Variants in EYS observed in about 807,000 individuals in gnomAD.
EYS encodes the protein EGF-like photoreceptor maintenance factor, also known as protein eyes shut homolog.
In EYS, 250 loss-of-function variants were observed where a neutral mutation model predicts 282.1. That is an observed-to-expected ratio of 0.89 (90% confidence interval 0.80 to 0.98). EYS has a LOEUF of 0.98. Among genes scored for constraint, EYS ranks in the 50% least tolerant of loss-of-function variants. The probability of loss-of-function intolerance (pLI) is 0.00; values close to 1 mark genes in which losing one functional copy is unlikely to be tolerated. For missense variants in EYS, 4,016 were observed against 3,709.0 expected, an observed-to-expected ratio of 1.08 and a Z score of -2.15; for synonymous variants, 1,355 against 1,282.9, an observed-to-expected ratio of 1.06 and a Z score of -1.20.
At chr6:64,297,730 C>G (rs2150370481) in intron 30 of EYS, among the ~76,000 whole-genome samples, 1 of 152,258 alleles carries the variant, frequency 6.6e-6, no homozygotes, top group Non-Finnish European at 1.5e-5. Context: ...GTAATTCCAG[C>G]ACTCTGAGAG....
At chr6:65,015,442 G>T (rs943149638) in intron 13 of EYS, among the ~76,000 whole-genome samples, 1 of 152,064 alleles carries the variant, frequency 6.6e-6, no homozygotes, top group Non-Finnish European at 1.5e-5. Context: ...ACATAAACCT[G>T]GTGTGCATTG....
At chr6:65,689,276 A>G (rs1052975934) in intron 1 of EYS, among the ~76,000 whole-genome samples, 3 of 150,044 alleles carry the variant, frequency 2.0e-5, no homozygotes, top group Non-Finnish European at 4.4e-5. Flanking sequence ...TCGCAAGGAC[A>G]AAAAACCAAA....
intron 34 of EYS, among the ~76,000 whole-genome samples, chr6:63,998,609 ACATTCT>A (rs1411722796): frequency 1.3e-5 from 2 of 152,176 alleles, no homozygotes; most frequent in Non-Finnish European, 2.9e-5. Flanking sequence ...GGAGGGATAG[ACATTCT>A]CTTTTCTTTT....
chr6:65,446,284 G>A (rs945998587), intron 5 of EYS, among the ~76,000 whole-genome samples: 2 of 151,578 alleles, frequency 1.3e-5, no homozygotes, highest in African/African-American at 4.8e-5. Flanking sequence ...AATTTTTTTG[G>A]CAAAATCACC....
At chr6:64,539,216 A>G (rs1295405093) in intron 26 of EYS, among the ~76,000 whole-genome samples, 2 of 152,178 alleles carry the variant, frequency 1.3e-5, no homozygotes, top group African/African-American at 4.8e-5. Flanking sequence ...AGAACTTCAC[A>G]CTTAAAAATT....
intron 22 of EYS, among the ~76,000 whole-genome samples, chr6:64,742,646 T>A (rs555865328): frequency 6.6e-6 from 1 of 152,292 alleles, no homozygotes; most frequent in Admixed American, 6.5e-5. Context: ...GTTATGTCCC[T>A]GATGGTAGTG....
At chr6:64,575,031 A>T (rs1765836422) in intron 26 of EYS, among the ~76,000 whole-genome samples, 1 of 152,140 alleles carries the variant, frequency 6.6e-6, no homozygotes, top group Non-Finnish European at 1.5e-5. Context: ...TAGAGAAGAT[A>T]AAAATGCATC....
chr6:65,512,492 C>CAAA (rs71002313), intron 2 of EYS, among the ~76,000 whole-genome samples: 1 of 117,818 alleles, frequency 8.5e-6, no homozygotes, highest in Non-Finnish European at 1.8e-5. Flanking sequence ...GACTCTATCT[C>CAAA]AAAAAAAAAA....
At chr6:64,525,492 A>G (rs566671146) in intron 26 of EYS, among the ~76,000 whole-genome samples, 1 of 151,540 alleles carries the variant, frequency 6.6e-6, no homozygotes, top group Admixed American at 6.6e-5. Flanking sequence ...TAGACACAAA[A>G]GGGGGGCAAT....
intron 30 of EYS, among the ~76,000 whole-genome samples, chr6:64,240,300 T>C (rs1261876556): frequency 6.6e-6 from 1 of 152,226 alleles, no homozygotes; most frequent in Non-Finnish European, 1.5e-5. Flanking sequence ...AGGAAGTCAA[T>C]GATAGCTTGA....
intron 36 of EYS, among the ~76,000 whole-genome samples, chr6:63,841,014 C>T (rs545299482): frequency 1.6e-4 from 24 of 152,156 alleles, no homozygotes; most frequent in African/African-American, 5.1e-4. Flanking sequence ...CTTTGTAGTT[C>T]AACTTAAACA....
At chr6:63,853,440 CA>C (rs1256401287) in intron 36 of EYS, among the ~76,000 whole-genome samples, 1 of 152,060 alleles carries the variant, frequency 6.6e-6, no homozygotes, top group African/African-American at 2.4e-5. Flanking sequence ...TGAGAAAGAC[CA>C]CTTCAAGGAG....
intron 29 of EYS, among the ~76,000 whole-genome samples, chr6:64,369,773 T>C (rs1772297478): frequency 6.6e-6 from 1 of 151,998 alleles, no homozygotes; most frequent in Non-Finnish European, 1.5e-5. Flanking sequence ...TCCTAGGTAT[T>C]TTATTCTTTT....
intron 2 of EYS, among the ~76,000 whole-genome samples, chr6:65,620,135 G>A (rs1322173137): frequency 6.6e-6 from 1 of 152,132 alleles, no homozygotes; most frequent in Admixed American, 6.5e-5. Flanking sequence ...AATGGTACCA[G>A]CTCCTCCTTG....
At chr6:64,440,236 T>G (rs1464953743) in intron 26 of EYS, among the ~76,000 whole-genome samples, 2 of 152,030 alleles carry the variant, frequency 1.3e-5, no homozygotes, top group African/African-American at 4.8e-5. Context: ...TAATATTCAT[T>G]TTCGAATCTG....
intron 10 of EYS, among the ~76,000 whole-genome samples, chr6:65,339,933 T>A (rs1038646538): frequency 2.0e-5 from 3 of 150,946 alleles, no homozygotes; most frequent in Non-Finnish European, 1.5e-5. Flanking sequence ...TTAAAGTACA[T>A]CCTATAAGAA....
At position 64,476,264 on chromosome 6, in the gene EYS, T is replaced by C. The variant is rs147002065; in HGVS notation, c.5645-36912A>G. On this transcript the variant is annotated intron_variant, in intron 26 of 42. Coordinates refer to ENST00000503581, the MANE Select transcript of EYS (RefSeq NM_001142800.2). ...GTAGTTAACTATTCGCATGTCTGTC[T>C]TTATATTGCATGCTTCTATAGCATG... Among the ~76,000 whole-genome samples, 80 of 152,302 alleles carry C rather than the reference T, an allele frequency of 5.3e-4. 1 individual carries two copies. Among genetic ancestry groups the C allele is most frequent in the African/African-American group, 1.8e-3 (73 of 41,572 alleles).
intron 33 of EYS, among the ~76,000 whole-genome samples, chr6:64,014,891 G>T (rs1252509159): frequency 8.6e-5 from 13 of 151,766 alleles, no homozygotes; most frequent in African/African-American, 2.9e-4. Flanking sequence ...TTCCTATAGG[G>T]AGAGAAGAAC....
intron 12 of EYS, among the ~76,000 whole-genome samples, chr6:65,066,505 A>C (rs1375031472): frequency 1.3e-5 from 2 of 152,206 alleles, no homozygotes; most frequent in Non-Finnish European, 1.5e-5. Context: ...CTTATTAGGC[A>C]TGTCATCAGA....
Sources: gnomAD v4.1 joint callset for allele counts (sites outside exome capture counted in the v4.1 genomes callset) on GRCh38, gnomAD v4.1.1 for gene constraint, MANE v1.5 for transcripts, NCBI Gene and HGNC (gene_info 2026-07-23, HGNC 2026-07-21) for gene names.